ASCC3: variants seen among roughly 807,000 people sequenced by gnomAD.
ASCC3 encodes the protein ASC-1 complex subunit P200.
Under a neutral mutation model 256.3 loss-of-function variants are expected in ASCC3, and 158 were observed. The observed-to-expected ratio is 0.62, with a 90% CI of 0.54 to 0.70. The LOEUF (loss-of-function observed/expected upper bound fraction) is 0.70. Among genes scored for constraint, ASCC3 ranks in the 30% least tolerant of loss-of-function variants. ASCC3 has a pLI of 0.00. For missense variants in ASCC3, 2,259 were observed against 2,626.0 expected, an observed-to-expected ratio of 0.86 and a Z score of 3.05; for synonymous variants, 948 against 883.4, an observed-to-expected ratio of 1.07 and a Z score of -1.30.
intron 34 of ASCC3, among the ~76,000 whole-genome samples, chr6:100,591,896 C>T (rs1232396385): frequency 2.0e-5 from 3 of 151,588 alleles, no homozygotes; most frequent in African/African-American, 7.3e-5. Flanking sequence ...ATATTTAAAA[C>T]TATCAATGAA....
intron 17 of ASCC3, among the ~76,000 whole-genome samples, chr6:100,654,809 C>T (rs9485269): frequency 0.018 from 2,788 of 151,880 alleles, 80 homozygotes; most frequent in African/African-American, 0.064. Context: ...TTTTTCCTCC[C>T]GCAAGCCTTA....
At chr6:100,704,168 G>A (rs1480707280) in intron 13 of ASCC3, among the ~76,000 whole-genome samples, 4 of 151,092 alleles carry the variant, frequency 2.6e-5, no homozygotes, top group Non-Finnish European at 5.9e-5. Context: ...AGATTTTCTT[G>A]TACTTAAAAA....
chr6:100,573,109 T>C (rs1337139746), intron 36 of ASCC3, among the ~76,000 whole-genome samples: 2 of 152,134 alleles, frequency 1.3e-5, no homozygotes, highest in African/African-American at 4.8e-5. Context: ...GATTGAATGT[T>C]GGCATGCTTA....
chr6:100,557,451 TTTG>T (rs1161037117), intron 36 of ASCC3, among the ~76,000 whole-genome samples: 3 of 152,168 alleles, frequency 2.0e-5, no homozygotes, highest in Admixed American at 6.5e-5. Context: ...ATGTTTATAA[TTTG>T]TATATCTTTC....
intron 37 of ASCC3, among the ~76,000 whole-genome samples, chr6:100,531,612 T>TA (rs1338687770): frequency 6.6e-6 from 1 of 152,042 alleles, no homozygotes; most frequent in African/African-American, 2.4e-5. Context: ...TTGATGTGAC[T>TA]AGAGTATCTG....
At chr6:100,751,336 C>T (rs1262997065) in intron 10 of ASCC3, among the ~76,000 whole-genome samples, 2 of 151,972 alleles carry the variant, frequency 1.3e-5, no homozygotes, top group African/African-American at 4.8e-5. Flanking sequence ...CACAGTCATA[C>T]TACTTCCTAC....
chr6:100,687,972 G>A (rs1361566747), intron 13 of ASCC3, among the ~76,000 whole-genome samples: 1 of 149,400 alleles, frequency 6.7e-6, no homozygotes, highest in Non-Finnish European at 1.5e-5. Flanking sequence ...TATATACTAA[G>A]ATAAAGGAAA....
intron 19 of ASCC3, among the ~76,000 whole-genome samples, chr6:100,650,972 T>C (rs1775640616): frequency 6.6e-6 from 1 of 151,848 alleles, no homozygotes; most frequent in East Asian, 1.9e-4. Context: ...AAAAATTTGA[T>C]ATGCCAAAAA....
chr6:100,582,050 G>T (rs1165680203), intron 36 of ASCC3, among the ~76,000 whole-genome samples: 2 of 151,956 alleles, frequency 1.3e-5, no homozygotes, highest in Non-Finnish European at 2.9e-5. Context: ...TTTGGCTTAG[G>T]ATTGACTTGG....
At chr6:100,587,617 C>T (rs1469049692) in intron 36 of ASCC3, among the ~76,000 whole-genome samples, 2 of 152,148 alleles carry the variant, frequency 1.3e-5, no homozygotes, top group East Asian at 1.9e-4. Context: ...GATATTCTTG[C>T]TGTGGAAATT....
chr6:100,767,557 A>G (rs1418602783), intron 8 of ASCC3, among the ~76,000 whole-genome samples: 1 of 152,146 alleles, frequency 6.6e-6, no homozygotes, highest in Admixed American at 6.5e-5. Context: ...GCAACTCGAT[A>G]AATTTGAAAA....
chr6:100,845,678 C>T (rs773955001), intron 4 of ASCC3, among the ~76,000 whole-genome samples: 2 of 152,084 alleles, frequency 1.3e-5, no homozygotes, highest in Admixed American at 1.3e-4. Flanking sequence ...TTCCTCTCCA[C>T]GTTTCAGTCA....
At chr6:100,532,991 T>C (rs1410214935) in intron 37 of ASCC3, among the ~76,000 whole-genome samples, 1 of 152,156 alleles carries the variant, frequency 6.6e-6, no homozygotes, top group African/African-American at 2.4e-5. Context: ...TCTATACATA[T>C]GTACTGTTTT....
At chr6:100,608,427 A>T (rs1279066456) in intron 30 of ASCC3, among the ~76,000 whole-genome samples, 14 of 62,424 alleles carry the variant, frequency 2.2e-4, no homozygotes, top group African/African-American at 3.4e-4. Context: ...TATATATTTT[A>T]TATATATACT....
At position 100,606,735 on chromosome 6, in the gene ASCC3, AT is replaced by A; in HGVS notation, c.5044+4del. Reference sequence around the variant, plus strand: ...CATGTATTTCTGTGAATTTAAGAAAATTACCTGTAATGGGAAAATCCACATA... The same window carrying A: ...CATGTATTTCTGTGAATTTAAGAAAATACCTGTAATGGGAAAATCCACATA... On this transcript the variant is annotated splice_donor_region_variant and intron_variant, in intron 32 of 41. Coordinates refer to ENST00000369162, the MANE Select transcript of ASCC3 (RefSeq NM_006828.4). The A allele has an allele frequency of 6.3e-7, 1 of 1,590,384 alleles. No homozygotes were observed. Among genetic ancestry groups the A allele is most frequent in the Non-Finnish European group, 8.5e-7 (1 of 1,173,068 alleles).
At position 100,800,423 on chromosome 6, in the gene ASCC3, T is replaced by C. The variant is rs1769857017; in HGVS notation, c.1004A>G (p.Gln335Arg). Residue 335 changes from glutamine to arginine, a missense_variant, in exon 6 of 42, where the codon CAG becomes CGG. Physicochemically the swap from Gln to Arg is conservative, Grantham distance 43. Around this residue, in one of 2 missense-constraint regions of ASCC3, gnomAD observed 420 missense variants for 419.3 expected, o/e 1.00. Transcript: ENST00000369162. ...TTCACGTCGATATTGTTTCATTAAC[T>C]GCTTTTCTTGTTCAGACTGAATAGT... ...QVTIQSEQEKQLMKQYRREEK... is the reference protein window; with the variant it reads ...QVTIQSEQEKRLMKQYRREEK... 3 of 1,612,682 alleles carry C rather than the reference T, an allele frequency of 1.9e-6. No individual in the cohort carries two copies. The African/African-American group carries it at 4.0e-5, about 22-fold the overall frequency.
In ASCC3 at chr6:100,773,476, G is replaced by A. The variant is rs564947206; in HGVS notation, c.1396-6131C>T. 1.6e-3 allele frequency among the ~76,000 whole-genome samples: 242 copies of A among 152,140 alleles called. 2 individuals are homozygous for A. The highest frequency in any genetic ancestry group is 3.4e-3 in the Middle Eastern group (1 of 292). ...AGTTTAAGCTCAAAAGCAATTTCTGGTTCTCTCCAATTCCCTAAACAATTG... is the reference window on the plus strand; with the variant it reads ...AGTTTAAGCTCAAAAGCAATTTCTGATTCTCTCCAATTCCCTAAACAATTG... On this transcript the variant is annotated intron_variant, in intron 8 of 41. Coordinates refer to ENST00000369162, the MANE Select transcript of ASCC3 (RefSeq NM_006828.4).
At chr6:100,837,153 CA>C (rs540448579) in intron 4 of ASCC3, among the ~76,000 whole-genome samples, 132 of 151,768 alleles carry the variant, frequency 8.7e-4, no homozygotes, top group African/African-American at 3.0e-3. Flanking sequence ...CAGGGAAATG[CA>C]AATCAAAATG....
intron 36 of ASCC3, among the ~76,000 whole-genome samples, chr6:100,565,844 T>A (rs745316622): frequency 8.5e-5 from 13 of 152,174 alleles, no homozygotes; most frequent in Non-Finnish European, 1.9e-4. Context: ...AATATACACA[T>A]TGACATTTAT....
Sources: gnomAD v4.1 joint callset for allele counts (sites outside exome capture counted in the v4.1 genomes callset) on GRCh38, gnomAD v4.1.1 for gene constraint, gnomAD v4.1.1 regional missense constraint, MANE v1.5 for transcripts, NCBI Gene and HGNC (gene_info 2026-07-23, HGNC 2026-07-21) for gene names.